Variants in PTK2 observed in about 807,000 individuals in gnomAD.
PTK2 encodes protein tyrosine kinase 2, also known as focal adhesion kinase 1.
Under a neutral mutation model 150.1 loss-of-function variants are expected in PTK2, and 45 were observed. The ratio of observed to expected loss-of-function variants is 0.30; its 90% CI spans 0.24 to 0.38. The LOEUF (loss-of-function observed/expected upper bound fraction) is 0.38. Ranked by LOEUF, PTK2 falls within the 10% of genes least tolerant of loss-of-function variation. PTK2 has a pLI of 1.00. For synonymous variants in PTK2, 432 were observed against 449.2 expected (o/e 0.96, Z 0.48); for missense variants, 919 against 1,307.3 (o/e 0.70, Z 4.58).
At chr8:140,866,447 G>T (rs1038828786) in intron 4 of PTK2, among the ~76,000 whole-genome samples, 43 of 152,138 alleles carry the variant, frequency 2.8e-4, no homozygotes, top group Admixed American at 8.5e-4. Context: ...TTACACAGAT[G>T]ATTTCTTTTT....
In PTK2 at chr8:140,706,270, A is replaced by C. The variant is rs555347046; in HGVS notation, c.2143-65T>G. 52 of 1,240,206 alleles carry C rather than the reference A, an allele frequency of 4.2e-5. No homozygotes were observed. In the African/African-American group the frequency reaches 5.1e-4, roughly 12 times the overall value. The allele number at this position is 1,240,206 out of a possible 1,614,324, so 76.8% of individuals were successfully genotyped here. On this transcript the variant is annotated intron_variant, in intron 23 of 31. Coordinates refer to ENST00000522684, the Ensembl canonical transcript of PTK2. ...ATTTTGACAAACCTGTACTTTATGAATCGAAAAAGACATTTTCCTAATAGA... is the reference window on the plus strand; with the variant it reads ...ATTTTGACAAACCTGTACTTTATGACTCGAAAAAGACATTTTCCTAATAGA...
intron 2 of PTK2, among the ~76,000 whole-genome samples, chr8:140,923,761 T>C (rs1337386925): frequency 6.6e-6 from 1 of 152,188 alleles, no homozygotes; most frequent in Non-Finnish European, 1.5e-5. Flanking sequence ...GCAATTCTGG[T>C]AAATCCTACT....
intron 2 of PTK2, 29 bp from the exon 3 acceptor site, chr8:140,890,798 G>A: frequency 1.3e-6 from 2 of 1,568,454 alleles, no homozygotes; most frequent in Non-Finnish European, 1.8e-6. Context: ...AATTTTTTGT[G>A]TATAATACTT....
At chr8:140,779,501 A>T (rs1465815905) in intron 14 of PTK2, among the ~76,000 whole-genome samples, 2 of 152,160 alleles carry the variant, frequency 1.3e-5, no homozygotes, top group Non-Finnish European at 2.9e-5. Context: ...TAGTGCTACC[A>T]TGGTTCTCAG....
At chr8:140,844,997 A>T (rs1004584233) in intron 7 of PTK2, among the ~76,000 whole-genome samples, 1 of 152,004 alleles carries the variant, frequency 6.6e-6, no homozygotes, top group Non-Finnish European at 1.5e-5. Context: ...CCTGTCCCTA[A>T]TTCAAATGTA....
Position 140,674,360 on chromosome 8 carries a change from C to T in PTK2, c.2647G>A (p.Gly883Ser), listed in dbSNP as rs140371105. The change falls in exon 29 of 32, where the codon GGT becomes AGT. Residue 883 changes from glycine (G) to serine (S), a missense_variant. Transcript: ENST00000522684. ...AGGCTGGCAAGGCTTCCCAGATGAC[C>T]GGGAGCTCCAGGGCGAGGCGGTTTC... The T allele has an allele frequency of 6.3e-5, 101 of 1,607,120 alleles. No individual in the cohort carries two copies. The highest frequency in any genetic ancestry group is 4.0e-4 in the African/African-American group (30 of 74,864).
chr8:140,669,143 T>G (rs562896634), intron 29 of PTK2: 1 of 151,902 alleles, frequency 6.6e-6, no homozygotes, highest in African/African-American at 2.4e-5. Flanking sequence ...AGGCCAAAGA[T>G]GTAACAATGT....
At chr8:140,927,030 C>G (rs2154608416) in intron 1 of PTK2, among the ~76,000 whole-genome samples, 1 of 152,236 alleles carries the variant, frequency 6.6e-6, no homozygotes, top group South Asian at 2.1e-4. Flanking sequence ...CTTAAAGGCT[C>G]CTGAAATCTG....
intron 7 of PTK2, among the ~76,000 whole-genome samples, chr8:140,837,276 A>G (rs1567271033): frequency 6.6e-6 from 1 of 152,318 alleles, no homozygotes; most frequent in East Asian, 1.9e-4. Flanking sequence ...TGCCTACAAA[A>G]AAAGTACCTT....
At chr8:140,794,322 T>C (rs1485493268) in intron 12 of PTK2, among the ~76,000 whole-genome samples, 1 of 152,228 alleles carries the variant, frequency 6.6e-6, no homozygotes, top group Non-Finnish European at 1.5e-5. Context: ...CTGGCTGTCA[T>C]CTTTGTATCG....
At chr8:140,712,206 A>C (rs903833016) in intron 23 of PTK2, among the ~76,000 whole-genome samples, 5 of 152,130 alleles carry the variant, frequency 3.3e-5, no homozygotes, top group African/African-American at 1.2e-4. Context: ...AAAAAAAAAA[A>C]ACCTACTTTT....
At chr8:140,677,278 C>T (rs1305651383) in intron 27 of PTK2, among the ~76,000 whole-genome samples, 2 of 151,226 alleles carry the variant, frequency 1.3e-5, no homozygotes, top group Non-Finnish European at 3.0e-5. Flanking sequence ...CATGGGCCTA[C>T]ATTGTCATCA....
chr8:140,681,173 T>C (rs528617201), intron 27 of PTK2, among the ~76,000 whole-genome samples: 1 of 150,424 alleles, frequency 6.6e-6, no homozygotes, highest in East Asian at 2.0e-4. Flanking sequence ...AAGACGAGCC[T>C]GGCCAACATG....
chr8:140,735,484 T>C lies in PTK2; in HGVS notation c.1826-29A>G, dbSNP rs780942516. 3.7e-6 allele frequency: 6 copies of C among 1,603,456 alleles called. No homozygotes were observed. In the Admixed American group the frequency reaches 1.0e-4, roughly 27 times the overall value. On this transcript the variant is annotated intron_variant, in intron 21 of 31. Coordinates refer to ENST00000522684, the Ensembl canonical transcript of PTK2. ...TCAAGTGGGAATGAAAACACAACAG[T>C]GAGCTCAGTATGAAGAATGTAACTC...
chr8:141,000,113 ACACACACACACAC>A, intron 1 of PTK2, among the ~76,000 whole-genome samples: 1 of 150,066 alleles, frequency 6.7e-6, no homozygotes, highest in African/African-American at 2.5e-5. Flanking sequence ...ACACACACAC[ACACACACACACAC>A]CCCTTCTTCT....
chr8:140,723,186 T>G (rs762246119), intron 22 of PTK2, among the ~76,000 whole-genome samples: 19 of 152,242 alleles, frequency 1.2e-4, no homozygotes, highest in Non-Finnish European at 2.8e-4. Context: ...TTGTGGAATT[T>G]AGCTTGTAAA....
chr8:140,815,249 T>C (rs371717830), intron 10 of PTK2, among the ~76,000 whole-genome samples: 5 of 150,886 alleles, frequency 3.3e-5, no homozygotes, highest in East Asian at 3.9e-4. Context: ...TGAGATCATG[T>C]TCTTTGCAGG....
At chr8:140,861,642 G>A (rs1218713465) in intron 5 of PTK2, among the ~76,000 whole-genome samples, 2 of 152,074 alleles carry the variant, frequency 1.3e-5, no homozygotes, top group African/African-American at 2.4e-5. Context: ...GCAATTATAT[G>A]GCAGACAATT....
At chr8:140,834,758 G>T (rs1357967613) in intron 7 of PTK2, among the ~76,000 whole-genome samples, 1 of 152,122 alleles carries the variant, frequency 6.6e-6, no homozygotes, top group Non-Finnish European at 1.5e-5. Context: ...GAGATTTAAG[G>T]TTTTTCTGGC....
Sources: gnomAD v4.1 joint callset for allele counts (sites outside exome capture counted in the v4.1 genomes callset) on GRCh38, gnomAD v4.1.1 for gene constraint, MANE v1.5 for transcripts, NCBI Gene and HGNC (gene_info 2026-07-23, HGNC 2026-07-21) for gene names.